Variants in EHMT1 observed in about 807,000 individuals in gnomAD.
EHMT1 encodes euchromatic histone lysine methyltransferase 1.
Under a neutral mutation model 147.2 loss-of-function variants are expected in EHMT1, and 15 were observed. The ratio of observed to expected loss-of-function variants is 0.10; its 90% confidence interval spans 0.07 to 0.16. The LOEUF is 0.16. Among genes scored for constraint, EHMT1 ranks in the 10% least tolerant of loss-of-function variants. The pLI, the probability that EHMT1 is intolerant of heterozygous loss-of-function variation, is 1.00. For missense variants in EHMT1, 1,587 were observed against 1,772.4 expected (o/e 0.90, Z 1.88); for synonymous variants, 795 against 709.6 (o/e 1.12, Z -1.91).
chr9:137,791,239 C>T (rs755190484), intron 16 of EHMT1, among the ~76,000 whole-genome samples: 2 of 152,236 alleles, frequency 1.3e-5, no homozygotes, highest in Non-Finnish European at 1.5e-5. Flanking sequence ...TACAGTACAT[C>T]GTCTCACCCT....
intron 6 of EHMT1, among the ~76,000 whole-genome samples, chr9:137,744,776 C>T (rs1464478396): frequency 9.1e-4 from 139 of 152,270 alleles, no homozygotes; most frequent in Non-Finnish European, 3.8e-4. Flanking sequence ...GCTCTCTTCA[C>T]AGACAGCCTC....
At chr9:137,758,410 G>A (rs576554073) in intron 9 of EHMT1, among the ~76,000 whole-genome samples, 6 of 152,226 alleles carry the variant, frequency 3.9e-5, no homozygotes, top group Non-Finnish European at 8.8e-5. Context: ...GTGTTGAGCT[G>A]AGAGTTCTGA....
intron 1 of EHMT1, chr9:137,664,805 C>T (rs1200759942): frequency 6.6e-6 from 1 of 152,180 alleles, no homozygotes; most frequent in Non-Finnish European, 1.5e-5. Context: ...GCTCTGTTGC[C>T]TTAAGATGGA....
chr9:137,731,317 C>T lies in EHMT1; in HGVS notation c.823+2788C>T, dbSNP rs1024159668. On this transcript the variant is annotated intron_variant, in intron 4 of 26. Transcript: ENST00000460843. The surrounding 1 kb of genome is among the most constrained non-coding windows in gnomAD (Gnocchi z 4.3). ...ATACTCCCTCAGCCTCAGCTGCTCCCGTGTGTTGTCACCCCAGGGCTTCCG... is the reference window on the plus strand; with the variant it reads ...ATACTCCCTCAGCCTCAGCTGCTCCTGTGTGTTGTCACCCCAGGGCTTCCG... 2.6e-5 allele frequency among the ~76,000 whole-genome samples: 4 copies of T among 152,188 alleles called. No homozygotes were observed. Among genetic ancestry groups the T allele is most frequent in the Admixed American group, 6.5e-5 (1 of 15,268 alleles).
At chr9:137,710,246 C>T (rs140266610) in intron 1 of EHMT1, among the ~76,000 whole-genome samples, 2,342 of 152,008 alleles carry the variant, frequency 0.015, 59 homozygotes, top group African/African-American at 0.052. Context: ...CTGAGGCGGG[C>T]GGATCACTTG....
chr9:137,695,978 C>T (rs1943367244), intron 1 of EHMT1, among the ~76,000 whole-genome samples: 1 of 152,218 alleles, frequency 6.6e-6, no homozygotes, highest in Non-Finnish European at 1.5e-5. Context: ...CTTTGATTGT[C>T]TTTCTTTGCA....
At chr9:137,750,913 G>A (rs1342514840) in intron 6 of EHMT1, among the ~76,000 whole-genome samples, 1 of 152,212 alleles carries the variant, frequency 6.6e-6, no homozygotes, top group Non-Finnish European at 1.5e-5. Context: ...AATAACTATG[G>A]TTGGGCCAGT....
chr9:137,735,813 CT>C (rs1947483665), intron 4 of EHMT1, among the ~76,000 whole-genome samples: 1 of 152,112 alleles, frequency 6.6e-6, no homozygotes, highest in African/African-American at 2.4e-5. Context: ...ATCTGGCTTC[CT>C]TGGTTTCTCT....
chr9:137,758,356 G>A (rs561927131), intron 9 of EHMT1, among the ~76,000 whole-genome samples: 3 of 152,356 alleles, frequency 2.0e-5, no homozygotes, highest in Admixed American at 6.5e-5. Context: ...GGGACGTACT[G>A]TTGAATAAGG....
chr9:137,807,446 A>G (rs1348163727), intron 18 of EHMT1, among the ~76,000 whole-genome samples: 1 of 151,924 alleles, frequency 6.6e-6, no homozygotes, highest in African/African-American at 2.4e-5. Flanking sequence ...TTTCGAACCT[A>G]TAGAATACAG....
chr9:137,790,654 T>C (rs566728221), intron 15 of EHMT1, among the ~76,000 whole-genome samples, 194 bp from the exon 16 acceptor site: 5 of 152,344 alleles, frequency 3.3e-5, no homozygotes, highest in South Asian at 2.1e-4. Context: ...AGCAGAAATA[T>C]TCTGCTTAGA....
chr9:137,833,204 C>G (rs1316535367), intron 25 of EHMT1, among the ~76,000 whole-genome samples: 1 of 152,244 alleles, frequency 6.6e-6, no homozygotes, highest in East Asian at 1.9e-4. Context: ...GGTTGTGGAC[C>G]AGGTGTCTCT....
chr9:137,743,555 C>A, intron 5 of EHMT1, 27 bp downstream of exon 5: 1 of 1,613,858 alleles, frequency 6.2e-7, no homozygotes. Context: ...AGTGAGTTGC[C>A]ACGTGTGCGT....
At chr9:137,633,546 T>C (rs1390195028) in intron 1 of EHMT1, among the ~76,000 whole-genome samples, 3 of 152,162 alleles carry the variant, frequency 2.0e-5, no homozygotes, top group African/African-American at 7.2e-5. Context: ...AGCAGATGAT[T>C]TATTTTTATT....
At chr9:137,669,035 C>T (rs1269862912) in intron 1 of EHMT1, among the ~76,000 whole-genome samples, 1 of 152,092 alleles carries the variant, frequency 6.6e-6, no homozygotes, top group Non-Finnish European at 1.5e-5. Flanking sequence ...CACGTGCGTG[C>T]GCCACTGACC....
chr9:137,660,905 C>T (rs1218092814), intron 1 of EHMT1, among the ~76,000 whole-genome samples: 3 of 152,138 alleles, frequency 2.0e-5, no homozygotes. Flanking sequence ...TTTAACCTTT[C>T]CTACCATCAT....
intron 16 of EHMT1, among the ~76,000 whole-genome samples, chr9:137,797,552 C>T (rs1403137449): frequency 1.3e-5 from 2 of 152,224 alleles, no homozygotes; most frequent in East Asian, 1.9e-4. Context: ...TGCACTATTC[C>T]AGCGATTAAA....
rs577929362 is a variant in EHMT1 at position 137,827,190 on chromosome 9, T to C, written c.3541-7159T>C. 3.0e-3 allele frequency among the ~76,000 whole-genome samples: 453 copies of C among 152,298 alleles called. 1 individual carries two copies. Among genetic ancestry groups the C allele is most frequent in the Non-Finnish European group, 5.0e-3 (343 of 68,020 alleles). On this transcript the variant is annotated intron_variant, in intron 25 of 26. Coordinates refer to ENST00000460843, the MANE Select transcript of EHMT1 (RefSeq NM_024757.5). ...CCCCAGAGCTGCCACACTCGCCTGA[T>C]TCCTTGCCTTCCAGTCTGTCTGCAA...
At chr9:137,728,708 T>C in intron 4 of EHMT1, 179 bp downstream of exon 4, 3 of 731,726 alleles carry the variant, frequency 4.1e-6, no homozygotes, top group Non-Finnish European at 7.0e-6. Context: ...TGACCTCTGC[T>C]CTAAGCCTTG....
Sources: gnomAD v4.1 joint callset for allele counts (sites outside exome capture counted in the v4.1 genomes callset) on GRCh38, gnomAD v4.1.1 for gene constraint, Gnocchi (gnomAD v3.1) non-coding constraint, MANE v1.5 for transcripts, NCBI Gene and HGNC (gene_info 2026-07-23, HGNC 2026-07-21) for gene names.